Variants in ENTREP2 observed in about 807,000 individuals in gnomAD.
The protein encoded by ENTREP2 is protein ENTREP2.
chr15:29,365,747 A>C, the ENTREP2 span, among the ~76,000 whole-genome samples: 2 of 152,012 alleles, frequency 1.3e-5, no homozygotes, highest in Non-Finnish European at 2.9e-5. Flanking sequence ...GAAAAAAAAA[A>C]CAAAACTGAA....
At chr15:29,136,231 A>G in the ENTREP2 span, 2 of 941,778 alleles carry the variant, frequency 2.1e-6, no homozygotes, top group Non-Finnish European at 3.0e-6. Flanking sequence ...GGGCCTCGGC[A>G]CAGGGCGCTC....
At chr15:29,667,646 A>G in the ENTREP2 span, among the ~76,000 whole-genome samples, 1 of 151,654 alleles carries the variant, frequency 6.6e-6, no homozygotes, top group Non-Finnish European at 1.5e-5. Context: ...GGCGCCTGCC[A>G]CCACGCCCAG....
At chr15:29,494,358 G>A in the ENTREP2 span, among the ~76,000 whole-genome samples, 717 of 152,222 alleles carry the variant, frequency 4.7e-3, 6 homozygotes, top group African/African-American at 0.016. Context: ...ACGTTAAAAT[G>A]TATTCAACTC....
the ENTREP2 span, chr15:29,124,715 C>G: frequency 9.0e-6 from 14 of 1,550,704 alleles, no homozygotes; most frequent in Non-Finnish European, 1.1e-5. Context: ...CAGACAGTCC[C>G]GCTTCCAGGT....
chr15:29,550,277 A>G, the ENTREP2 span, among the ~76,000 whole-genome samples: 2 of 152,206 alleles, frequency 1.3e-5, no homozygotes, highest in Non-Finnish European at 1.5e-5. Flanking sequence ...CACACAAAAA[A>G]AAACAAACCT....
At chr15:29,421,365 T>G in the ENTREP2 span, among the ~76,000 whole-genome samples, 397 of 152,228 alleles carry the variant, frequency 2.6e-3, 2 homozygotes, top group African/African-American at 9.3e-3. Context: ...AGAGAGAAAA[T>G]GAAAAGCTAA....
chr15:29,490,392 G>C, the ENTREP2 span, among the ~76,000 whole-genome samples: 645 of 151,214 alleles, frequency 4.3e-3, 8 homozygotes, highest in African/African-American at 0.015. Flanking sequence ...CCACAACATG[G>C]AAGAGAACCC....
the ENTREP2 span, among the ~76,000 whole-genome samples, chr15:29,129,585 C>T: frequency 1.0e-3 from 154 of 152,322 alleles, no homozygotes; most frequent in Admixed American, 2.7e-3. Flanking sequence ...TGGGGTTAAG[C>T]GATCCTCAGG....
At chr15:29,135,552 A>G in the ENTREP2 span, among the ~76,000 whole-genome samples, 1 of 152,262 alleles carries the variant, frequency 6.6e-6, no homozygotes, top group East Asian at 1.9e-4. The surrounding 1 kb of genome is among the most constrained non-coding windows in gnomAD (Gnocchi z 7.4). Flanking sequence ...CAATACCCCA[A>G]AAGGGTGACT....
At chr15:29,576,608 T>C in the ENTREP2 span, among the ~76,000 whole-genome samples, 172 of 152,336 alleles carry the variant, frequency 1.1e-3, no homozygotes, top group Admixed American at 2.2e-3. Flanking sequence ...ATTCAGATTA[T>C]GGATAGAACT....
the ENTREP2 span, among the ~76,000 whole-genome samples, chr15:29,168,662 C>G: frequency 2.6e-5 from 4 of 152,180 alleles, no homozygotes; most frequent in Non-Finnish European, 4.4e-5. Context: ...GCTATAATTT[C>G]AAGAGGCAAA....
At chr15:29,151,399 G>C in the ENTREP2 span, among the ~76,000 whole-genome samples, 1 of 152,194 alleles carries the variant, frequency 6.6e-6, no homozygotes, top group Non-Finnish European at 1.5e-5. Flanking sequence ...TGAAGCCCGA[G>C]GAAGGCACCT....
At chr15:29,303,450 G>GT in the ENTREP2 span, among the ~76,000 whole-genome samples, 1 of 151,814 alleles carries the variant, frequency 6.6e-6, no homozygotes, top group East Asian at 1.9e-4. Context: ...CATGACACTG[G>GT]GTTTTTTTTC....
the ENTREP2 span, among the ~76,000 whole-genome samples, chr15:29,575,564 A>G: frequency 6.6e-6 from 1 of 152,216 alleles, no homozygotes. Context: ...AGGAAGAAGC[A>G]AAACTATCTC....
the ENTREP2 span, among the ~76,000 whole-genome samples, chr15:29,350,424 G>T: frequency 1.3e-5 from 2 of 151,878 alleles, no homozygotes; most frequent in African/African-American, 2.4e-5. Flanking sequence ...TCTTTTCAAA[G>T]AATTTTTGAT....
the ENTREP2 span, among the ~76,000 whole-genome samples, chr15:29,206,178 C>T: frequency 6.6e-6 from 1 of 152,184 alleles, no homozygotes; most frequent in East Asian, 1.9e-4. Context: ...AAAACACCAG[C>T]AGATTTGGTG....
chr15:29,506,393 A>G, the ENTREP2 span, among the ~76,000 whole-genome samples: 2 of 152,310 alleles, frequency 1.3e-5, no homozygotes, highest in East Asian at 3.9e-4. Flanking sequence ...ATTCAAATTC[A>G]GGAACTAGAG....
At chr15:29,339,434 G>A in the ENTREP2 span, among the ~76,000 whole-genome samples, 2 of 152,240 alleles carry the variant, frequency 1.3e-5, no homozygotes, top group African/African-American at 2.4e-5. Context: ...CCAAGGATCC[G>A]TGTTTAACTG....
the ENTREP2 span, among the ~76,000 whole-genome samples, chr15:29,300,668 G>C: frequency 1.3e-5 from 2 of 152,018 alleles, no homozygotes; most frequent in Admixed American, 1.3e-4. Context: ...GTGCGATCTC[G>C]GCTCACTGCA....
Sources: gnomAD v4.1 joint callset for allele counts (sites outside exome capture counted in the v4.1 genomes callset) on GRCh38, gnomAD v4.1.1 for gene constraint, Gnocchi (gnomAD v3.1) non-coding constraint, MANE v1.5 for transcripts, NCBI Gene and HGNC (gene_info 2026-07-23, HGNC 2026-07-21) for gene names.